ERI1: variants seen among roughly 807,000 people sequenced by gnomAD.
The protein encoded by ERI1 is 3'-5' exoribonuclease 1.
In ERI1, 39 loss-of-function variants were observed where a neutral mutation model predicts 39.7. The ratio of observed to expected loss-of-function variants is 0.98; its 90% CI spans 0.76 to 1.28. ERI1 has a LOEUF of 1.28. Among genes scored for constraint, ERI1 ranks in the 50% most tolerant of loss-of-function variants. The pLI is 0.00. For missense variants in ERI1, 581 were observed against 416.9 expected, an observed-to-expected ratio of 1.39 and a Z score of -3.43; for synonymous variants, 204 against 149.6, an observed-to-expected ratio of 1.36 and a Z score of -2.65.
At chr8:9,025,836 CATA>C (rs1389055426) in intron 6 of ERI1, among the ~76,000 whole-genome samples, 2 of 151,752 alleles carry the variant, frequency 1.3e-5, no homozygotes, top group Non-Finnish European at 1.5e-5. Context: ...TTTGCATATA[CATA>C]ATGAGATACC....
intron 1 of ERI1, among the ~76,000 whole-genome samples, chr8:9,005,607 C>T (rs1348502368): frequency 4.0e-5 from 6 of 151,322 alleles, no homozygotes; most frequent in African/African-American, 1.5e-4. Flanking sequence ...CTCCGCCTCA[C>T]GGGTTCACGC....
intron 3 of ERI1, among the ~76,000 whole-genome samples, chr8:9,079,297 C>T (rs774531483): frequency 3.9e-5 from 6 of 152,120 alleles, no homozygotes; most frequent in Middle Eastern, 6.3e-3. Context: ...CCCTGATCTC[C>T]GGAGAAGAGC....
chr8:9,056,742 A>G (rs1432926153), intron 3 of ERI1, among the ~76,000 whole-genome samples: 1 of 152,182 alleles, frequency 6.6e-6, no homozygotes, highest in Non-Finnish European at 1.5e-5. Flanking sequence ...GATTTGATAA[A>G]TACTTCCCTG....
At chr8:9,017,126 G>C (rs1307703050) in intron 4 of ERI1, among the ~76,000 whole-genome samples, 10 of 152,062 alleles carry the variant, frequency 6.6e-5, no homozygotes, top group African/African-American at 2.4e-4. Flanking sequence ...TGCAACCTCT[G>C]CCTCCCAGGT....
intron 3 of ERI1, among the ~76,000 whole-genome samples, chr8:9,058,051 A>C (rs1233205921): frequency 2.0e-5 from 3 of 152,236 alleles, no homozygotes; most frequent in South Asian, 2.1e-4. Flanking sequence ...TTCAGCCACA[A>C]GAGTGATGAG....
chr8:9,022,088 A>T (rs986920016), intron 6 of ERI1, among the ~76,000 whole-genome samples: 1 of 151,986 alleles, frequency 6.6e-6, no homozygotes, highest in Non-Finnish European at 1.5e-5. Flanking sequence ...TTTCCAATGG[A>T]ATTGTACCAG....
At chr8:9,063,406 C>G (rs1242063877) in intron 3 of ERI1, among the ~76,000 whole-genome samples, 2 of 152,034 alleles carry the variant, frequency 1.3e-5, no homozygotes, top group African/African-American at 2.4e-5. Flanking sequence ...TGGGGGAGGG[C>G]TAGTCATGGA....
intron 6 of ERI1, among the ~76,000 whole-genome samples, chr8:9,024,230 G>A (rs1424957322): frequency 6.6e-6 from 1 of 152,156 alleles, no homozygotes; most frequent in African/African-American, 2.4e-5. Context: ...ATGGGACTTG[G>A]TTTTTCTAAA....
intron 3 of ERI1, among the ~76,000 whole-genome samples, chr8:9,086,194 G>A (rs1050573118): frequency 1.3e-5 from 2 of 152,154 alleles, no homozygotes; most frequent in African/African-American, 4.8e-5. Context: ...TGGACAAATT[G>A]CTTGAGCCCA....
intron 3 of ERI1, 66 bp from the exon 4 acceptor site, chr8:9,016,256 C>G: frequency 2.2e-6 from 2 of 920,818 alleles, no homozygotes; most frequent in Non-Finnish European, 3.3e-6. Flanking sequence ...ATGAATTCGT[C>G]GTGTATCATG....
chr8:9,005,641 A>C (rs1008981992), intron 1 of ERI1, among the ~76,000 whole-genome samples: 13 of 151,108 alleles, frequency 8.6e-5, no homozygotes, highest in African/African-American at 2.9e-4. Context: ...CAGCCTCCTG[A>C]GTAGCTGGGA....
At chr8:9,016,910 C>T (rs181839035) in intron 4 of ERI1, among the ~76,000 whole-genome samples, 5 of 152,332 alleles carry the variant, frequency 3.3e-5, no homozygotes, top group African/African-American at 9.6e-5. Context: ...TGGTCTCGAA[C>T]ACCTAACCTC....
In ERI1 at chr8:9,030,390, G is replaced by A. The variant is rs1797503331; in HGVS notation, c.*356G>A. 5.0e-6 allele frequency: 1 copy of A among 201,698 alleles called. No individual in the cohort carries two copies. The highest frequency in any genetic ancestry group is 1.0e-5 in the Non-Finnish European group (1 of 95,796). The allele number at this position is 201,698 out of a possible 1,614,324, so 12.5% of individuals were successfully genotyped here. On this transcript the variant is annotated 3_prime_UTR_variant, in exon 7 of 7. Transcript: ENST00000250263. ...TCTTACTGGTGTTTAAATATGTAAT[G>A]TGTTTCTTTATTAACATCACTAGAT...
intron 2 of ERI1, among the ~76,000 whole-genome samples, chr8:9,010,168 A>G (rs1331428778): frequency 1.3e-5 from 2 of 152,332 alleles, no homozygotes; most frequent in Non-Finnish European, 1.5e-5. Context: ...AACATGGTGA[A>G]TATTTGGAAG....
At chr8:9,026,799 A>T (rs1168273059) in intron 6 of ERI1, among the ~76,000 whole-genome samples, 4 of 152,174 alleles carry the variant, frequency 2.6e-5, no homozygotes. Context: ...AAAAATTTCA[A>T]ATCCAAAGCA....
intron 3 of ERI1, among the ~76,000 whole-genome samples, chr8:9,083,086 C>A (rs1475331587): frequency 2.6e-5 from 4 of 152,068 alleles, no homozygotes; most frequent in Non-Finnish European, 4.4e-5. Context: ...TTAACTGGGG[C>A]CCTGCATTTT....
intron 3 of ERI1, among the ~76,000 whole-genome samples, chr8:9,055,134 G>A (rs1339422180): frequency 6.6e-6 from 1 of 152,132 alleles, no homozygotes; most frequent in Non-Finnish European, 1.5e-5. Flanking sequence ...AAGATTTGTG[G>A]ACAGAAAAAA....
At chr8:9,006,975 G>A (rs560007908) in intron 1 of ERI1, among the ~76,000 whole-genome samples, 1 of 152,234 alleles carries the variant, frequency 6.6e-6, no homozygotes, top group East Asian at 1.9e-4. Context: ...GGACAATGTG[G>A]TACATTATAA....
intron 3 of ERI1, among the ~76,000 whole-genome samples, chr8:9,069,151 G>A (rs1183365122): frequency 6.6e-6 from 1 of 152,094 alleles, no homozygotes; most frequent in African/African-American, 2.4e-5. Context: ...CAAAAGGGTT[G>A]TGGGGTTAAC....
Sources: allele counts gnomAD v4.1 joint callset (sites outside exome capture counted in the v4.1 genomes callset), GRCh38; gene constraint gnomAD v4.1.1; transcripts MANE v1.5; gene names NCBI Gene and HGNC (gene_info 2026-07-23, HGNC 2026-07-21).